The following NSMCE3 variants were observed in gnomAD, a reference collection of about 807,000 sequenced individuals.
NSMCE3 encodes non-structural maintenance of chromosomes element 3 homolog.
For synonymous variants in NSMCE3, 214 were observed against 172.2 expected (o/e 1.24, Z -1.90); for missense variants, 452 against 399.5 (o/e 1.13, Z -1.12).
At position 29,269,297 on chromosome 15, in the gene NSMCE3, C is replaced by G. The variant is rs2043553456; in HGVS notation, c.409G>C (p.Val137Leu). ...AGTTCCACCAGCTTATACCCGAAGA[C>G]GTACTGGAGGCGCTCGGCGGCCCGT... is the stretch of plus-strand genomic sequence containing the variant. ...FKRAAERLQYVFGYKLVELEP... is the reference protein window; with the variant it reads ...FKRAAERLQYLFGYKLVELEP... Residue 137 changes from valine (V) to leucine (L), a missense_variant, in exon 1 of 1, where the codon GTC (valine) becomes CTC (leucine). By Grantham distance (32) the Val-to-Leu change is conservative. Coordinates refer to ENST00000332303, the MANE Select transcript of NSMCE3 (RefSeq NM_138704.4). 3 of 1,614,174 alleles carry G rather than the reference C, an allele frequency of 1.9e-6. No individual in the cohort carries two copies. The highest frequency in any genetic ancestry group is 2.5e-6 in the Non-Finnish European group (3 of 1,180,036).
chr15:29,269,608 C>G lies in NSMCE3; in HGVS notation c.98G>C (p.Gly33Ala). Residue 33 changes from glycine (G) to alanine (A), a missense_variant, in exon 1 of 1, where the codon GGG becomes GCG. Physicochemically the swap from Gly to Ala is moderately conservative, Grantham distance 60. Coordinates refer to ENST00000332303, the MANE Select transcript of NSMCE3 (RefSeq NM_138704.4). ...HSGNPGASRAGEDARVLRDGF... is the reference protein window; with the variant it reads ...HSGNPGASRAAEDARVLRDGF... ...GTCTCTGAGAACCCGGGCGTCTTCC[C>G]CGGCCCGCGAAGCCCCGGGGTTTCC... is the stretch of plus-strand genomic sequence containing the variant. 1.3e-6 allele frequency: 2 copies of G among 1,562,690 alleles called. No individual in the cohort carries two copies. The highest frequency in any genetic ancestry group is 2.4e-5 in the South Asian group (2 of 85,098).
Position 29,269,091 on chromosome 15 carries a change from T to C in NSMCE3, c.615A>G (p.Leu205=), listed in dbSNP as rs1242993804. Residue 205 remains leucine (L), a synonymous_variant, in exon 1 of 1, where the codon TTA becomes TTG. Coordinates refer to ENST00000332303, the MANE Select transcript of NSMCE3 (RefSeq NM_138704.4). The part of the protein sequence containing the change: ...ETEAWDFLRR[L]GVYPTKKHLI... ...AATGCTTCTTGGTGGGGTAGACCCC[T>C]AAGCGCCGCAGAAAGTCCCAGGCTT... 1 of 1,614,148 alleles carries C rather than the reference T, an allele frequency of 6.2e-7. No individual in the cohort carries two copies. Among genetic ancestry groups the C allele is most frequent in the Admixed American group, 1.7e-5 (1 of 60,018 alleles).
rs1327073601 is a variant in NSMCE3 at position 29,268,741 on chromosome 15, T to G, written c.*50A>C. On this transcript the variant is annotated 3_prime_UTR_variant, in exon 1 of 1. Transcript: ENST00000332303. The stretch of plus-strand genomic sequence containing the variant: ...TCCCTTCCCCCAATCCTCTAAACTG[T>G]GCCTTTGGGTCTCAGACCCTTGTCC... The G allele has an allele frequency of 3.9e-6, 6 of 1,540,392 alleles. No homozygotes were observed. The highest frequency in any genetic ancestry group is 5.2e-6 in the Non-Finnish European group (6 of 1,144,398).
rs2043456495 is a variant in NSMCE3, at chr15:29,265,285, T to C, written c.*3506A>G. On this transcript the variant is annotated 3_prime_UTR_variant, in exon 1 of 1. Coordinates refer to ENST00000332303, the MANE Select transcript of NSMCE3 (RefSeq NM_138704.4). ...AATAATATATTGCATTTTCAGCCAA[T>C]GCAAAAAAGACTAAAATAAAAGGCT... 6.6e-6 allele frequency: 1 copy of C among 152,110 alleles called. No individual in the cohort carries two copies. The highest frequency in any genetic ancestry group is 6.5e-5 in the Admixed American group (1 of 15,270). The allele number at this position is 152,110 out of a possible 1,614,324, so 9.4% of individuals were successfully genotyped here.
At position 29,269,818 on chromosome 15, in the gene NSMCE3, A is replaced by C. The variant is rs866988869; in HGVS notation, c.-113T>G. 1.8e-5 allele frequency: 19 copies of C among 1,035,478 alleles called. No homozygotes were observed. Among genetic ancestry groups the C allele is most frequent in the Middle Eastern group, 3.2e-4 (1 of 3,170 alleles). 64.1% of individuals were successfully genotyped at this position (1,035,478 alleles called of 1,614,324 possible). On this transcript the variant is annotated 5_prime_UTR_variant, in exon 1 of 1. Coordinates refer to ENST00000332303, the MANE Select transcript of NSMCE3 (RefSeq NM_138704.4). ...CTGGAGGCGCGCGCAGTGTCGGCTG[A>C]GACTGCGTGCTGCGTCATGAAGCCT...
rs765426721 is a variant in NSMCE3, at chr15:29,269,517, G to A, written c.189C>T (p.Pro63=). The A allele has an allele frequency of 6.3e-6, 10 of 1,585,078 alleles. No individual in the cohort carries two copies. The highest frequency in any genetic ancestry group is 5.3e-5 in the Admixed American group (3 of 56,356). ...GPGGSQGSQG[P]SPQGARRAQA... The stretch of plus-strand genomic sequence containing the variant: ...GGGCCCGGCGGGCGCCCTGAGGCGA[G>A]GGGCCCTGCGACCCCTGCGAGCCGC... The change falls in exon 1 of 1, where the codon CCC becomes CCT. Residue 63 remains proline (P), a synonymous_variant. Coordinates refer to ENST00000332303, the MANE Select transcript of NSMCE3 (RefSeq NM_138704.4).
chr15:29,269,794 T>C lies in NSMCE3; in HGVS notation c.-89A>G. The C allele has an allele frequency of 8.0e-7, 1 of 1,250,166 alleles. No individual in the cohort carries two copies. The highest frequency in any genetic ancestry group is 1.8e-5 in the South Asian group (1 of 56,818). 77.4% of individuals were successfully genotyped at this position (1,250,166 alleles called of 1,614,324 possible). ...TCGGCGACCCGCTAACGCCGGTGCC[T>C]GGAGGCGCGCGCAGTGTCGGCTGAG... On this transcript the variant is annotated 5_prime_UTR_variant, in exon 1 of 1. Transcript: ENST00000332303.
In NSMCE3 at chr15:29,269,080, G is replaced by A. The variant is rs886037827; in HGVS notation, c.626C>T (p.Pro209Leu). The A allele has an allele frequency of 6.2e-7, 1 of 1,613,996 alleles. No individual in the cohort carries two copies. Among genetic ancestry groups the A allele is most frequent in the Non-Finnish European group, 8.5e-7 (1 of 1,180,022 alleles). The change falls in exon 1 of 1, where the codon CCC (proline) becomes CTC (leucine). Residue 209 changes from proline to leucine, a missense_variant. Pro to Leu is a moderately conservative substitution (Grantham distance 98). Transcript: ENST00000332303. Reference sequence around the variant, plus strand: ...TCCGAAAATTAAATGCTTCTTGGTGGGGTAGACCCCTAAGCGCCGCAGAAA... The same window carrying A: ...TCCGAAAATTAAATGCTTCTTGGTGAGGTAGACCCCTAAGCGCCGCAGAAA... ...WDFLRRLGVYPTKKHLIFGDP... is the reference protein window; with the variant it reads ...WDFLRRLGVYLTKKHLIFGDP...
In NSMCE3 at chr15:29,269,748, A is replaced by G. The variant is rs370807257; in HGVS notation, c.-43T>C. The G allele has an allele frequency of 2.0e-5, 29 of 1,430,498 alleles. No homozygotes were observed. In the African/African-American group the frequency reaches 4.2e-4, roughly 21 times the overall value. 88.6% of individuals were successfully genotyped at this position (1,430,498 alleles called of 1,614,324 possible). ...CCGGCGCACACTCCGGTAGGCAAGCAGCCGCGGCGGGGATTGCGGGTCGGC... is the reference window on the plus strand; with the variant it reads ...CCGGCGCACACTCCGGTAGGCAAGCGGCCGCGGCGGGGATTGCGGGTCGGC... On this transcript the variant is annotated 5_prime_UTR_variant, in exon 1 of 1. Coordinates refer to ENST00000332303, the MANE Select transcript of NSMCE3 (RefSeq NM_138704.4).
At position 29,269,392 on chromosome 15, in the gene NSMCE3, G is replaced by T. The variant is rs375222448; in HGVS notation, c.314C>A (p.Pro105Gln). Residue 105 changes from proline (P) to glutamine (Q), a missense_variant, in exon 1 of 1, where the codon CCG (proline) becomes CAG (glutamine). Physicochemically the swap from Pro to Gln is moderately conservative, Grantham distance 76. Transcript: ENST00000332303. ...FLLIKDQKKIPIKRADILKHV... is the reference protein window; with the variant it reads ...FLLIKDQKKIQIKRADILKHV... Reference sequence around the variant, plus strand: ...CTTCAGTATGTCGGCCCGCTTGATCGGAATCTTCTTCTGGTCTTTAATCAG... The same window carrying T: ...CTTCAGTATGTCGGCCCGCTTGATCTGAATCTTCTTCTGGTCTTTAATCAG... 1.9e-6 allele frequency: 3 copies of T among 1,614,010 alleles called. No homozygotes were observed. In the African/African-American group the frequency reaches 4.0e-5, roughly 22 times the overall value.
In NSMCE3 at chr15:29,269,778, C is replaced by A. The variant is rs534397362; in HGVS notation, c.-73G>T. On this transcript the variant is annotated 5_prime_UTR_variant, in exon 1 of 1. Coordinates refer to ENST00000332303, the MANE Select transcript of NSMCE3 (RefSeq NM_138704.4). ...CGGCGGGGATTGCGGGTCGGCGACCCGCTAACGCCGGTGCCTGGAGGCGCG... is the reference window on the plus strand; with the variant it reads ...CGGCGGGGATTGCGGGTCGGCGACCAGCTAACGCCGGTGCCTGGAGGCGCG... 125 of 1,351,810 alleles carry A rather than the reference C, an allele frequency of 9.2e-5. No homozygotes were observed. In the African/African-American group the frequency reaches 1.6e-3, roughly 17 times the overall value. The allele number at this position is 1,351,810 out of a possible 1,614,324, so 83.7% of individuals were successfully genotyped here.
rs912093533 is a variant in NSMCE3, at chr15:29,265,881, G to T, written c.*2910C>A. 2.0e-5 allele frequency: 3 copies of T among 152,132 alleles called. No individual in the cohort carries two copies. The highest frequency in any genetic ancestry group is 6.5e-5 in the Admixed American group (1 of 15,272). 9.4% of individuals were successfully genotyped at this position (152,132 alleles called of 1,614,324 possible). On this transcript the variant is annotated 3_prime_UTR_variant, in exon 1 of 1. Transcript: ENST00000332303. ...GCAGATTAAAAGCATAAAATGTGAAGATCAAAACTTTGAACACTTAGGGAA... is the reference window on the plus strand; with the variant it reads ...GCAGATTAAAAGCATAAAATGTGAATATCAAAACTTTGAACACTTAGGGAA...
At position 29,269,507 on chromosome 15, in the gene NSMCE3, C is replaced by T; in HGVS notation, c.199G>A (p.Gly67Ser). The T allele has an allele frequency of 6.2e-7, 1 of 1,602,976 alleles. No homozygotes were observed. Among genetic ancestry groups the T allele is most frequent in the Non-Finnish European group, 8.5e-7 (1 of 1,175,928 alleles). ...GGGGCGGCCTGGGCCCGGCGGGCGC[C>T]CTGAGGCGAGGGGCCCTGCGACCCC... ...SQGSQGPSPQ[G>S]ARRAQAAPAV... Residue 67 changes from glycine (G) to serine (S), a missense_variant, in exon 1 of 1, where the codon GGC becomes AGC. Physicochemically the swap from Gly to Ser is moderately conservative, Grantham distance 56. Transcript: ENST00000332303.
chr15:29,269,302 T>C lies in NSMCE3; in HGVS notation c.404A>G (p.Gln135Arg). 6.2e-7 allele frequency: 1 copy of C among 1,614,214 alleles called. No homozygotes were observed. The change falls in exon 1 of 1, where the codon CAG (glutamine) becomes CGG (arginine). Residue 135 changes from glutamine (Q) to arginine (R), a missense_variant. Gln to Arg is a conservative substitution (Grantham distance 43). Transcript: ENST00000332303. ...DLFKRAAERL[Q>R]YVFGYKLVEL... Reference sequence around the variant, plus strand: ...CACCAGCTTATACCCGAAGACGTACTGGAGGCGCTCGGCGGCCCGTTTGAA... The same window carrying C: ...CACCAGCTTATACCCGAAGACGTACCGGAGGCGCTCGGCGGCCCGTTTGAA...
At position 29,268,722 on chromosome 15, in the gene NSMCE3, C is replaced by T; in HGVS notation, c.*69G>A. 6.7e-7 allele frequency: 1 copy of T among 1,488,856 alleles called. No homozygotes were observed. Among genetic ancestry groups the T allele is most frequent in the East Asian group, 2.3e-5 (1 of 43,874 alleles). 92.2% of individuals were successfully genotyped at this position (1,488,856 alleles called of 1,614,324 possible). A position where few individuals can be genotyped will look rare whatever the true frequency, so the allele number is the denominator to read the frequency against. The stretch of plus-strand genomic sequence containing the variant: ...ATGCTCCCTGGGTTCGTTCTCCCTT[C>T]CCCCAATCCTCTAAACTGTGCCTTT... On this transcript the variant is annotated 3_prime_UTR_variant, in exon 1 of 1. Transcript: ENST00000332303.
In NSMCE3 at chr15:29,268,837, T is replaced by G; in HGVS notation, c.869A>C (p.Glu290Ala). 6.2e-7 allele frequency: 1 copy of G among 1,613,982 alleles called. No homozygotes were observed. Among genetic ancestry groups the G allele is most frequent in the Non-Finnish European group, 8.5e-7 (1 of 1,179,938 alleles). ...AQYCEALADE[E>A]NRARPQPSGP... is the part of the protein sequence containing the mutation. ...ACTAGGCTGAGGTCTGGCCCTGTTC[T>G]CCTCATCTGCCAAAGCCTCACAGTA... The change falls in exon 1 of 1, where the codon GAG becomes GCG. Residue 290 changes from glutamate to alanine, a missense_variant. Physicochemically the swap from Glu to Ala is moderately radical, Grantham distance 107. Coordinates refer to ENST00000332303, the MANE Select transcript of NSMCE3 (RefSeq NM_138704.4).
chr15:29,269,661 G>C lies in NSMCE3; in HGVS notation c.45C>G (p.Ala15=), dbSNP rs759733725. 1.2e-5 allele frequency: 19 copies of C among 1,563,890 alleles called. No individual in the cohort carries two copies. The African/African-American group carries it at 2.6e-4, about 21-fold the overall frequency. The stretch of plus-strand genomic sequence containing the variant: ...TATGGCTCCAGTCTCTGTCCCTCTC[G>C]GCCTGGCCGCCAGAGCGGCCCCGGT... ...PRNRGRSGGQ[A]ERDRDWSHSG... The change falls in exon 1 of 1, where the codon GCC becomes GCG. Residue 15 remains alanine (A), a synonymous_variant. Transcript: ENST00000332303.
rs1434828274 is a variant in NSMCE3 at position 29,267,841 on chromosome 15, G to A, written c.*950C>T. The A allele has an allele frequency of 6.6e-6, 1 of 152,142 alleles. No individual in the cohort carries two copies. The highest frequency in any genetic ancestry group is 1.9e-4 in the East Asian group (1 of 5,206). 9.4% of individuals were successfully genotyped at this position (152,142 alleles called of 1,614,324 possible). On this transcript the variant is annotated 3_prime_UTR_variant, in exon 1 of 1. Transcript: ENST00000332303. ...GGACTAAAACCATTTTACAGGTCAA[G>A]AAACATCTGCATACAAACTAAGGAA...
Position 29,269,596 on chromosome 15 carries a change from C to G in NSMCE3, c.110G>C (p.Arg37Pro). ...CTCGGCAAAGCCGTCTCTGAGAACC[C>G]GGGCGTCTTCCCCGGCCCGCGAAGC... ...PGASRAGEDA[R>P]VLRDGFAEEA... is the part of the protein sequence containing the mutation. Residue 37 changes from arginine to proline, a missense_variant, in exon 1 of 1, where the codon CGG becomes CCG. Coordinates refer to ENST00000332303, the MANE Select transcript of NSMCE3 (RefSeq NM_138704.4). 1 of 1,554,062 alleles carries G rather than the reference C, an allele frequency of 6.4e-7. No individual in the cohort carries two copies.
Sources: allele counts gnomAD v4.1 joint callset, GRCh38; gene constraint gnomAD v4.1.1; transcripts MANE v1.5; gene names NCBI Gene and HGNC (gene_info 2026-07-23, HGNC 2026-07-21).